The following KSR2 variants were observed in gnomAD, a reference collection of about 807,000 sequenced individuals.
KSR2 encodes the protein kinase suppressor of ras 2.
In KSR2, 25 loss-of-function variants were observed where a neutral mutation model predicts 107.8. That is an observed-to-expected ratio of 0.23 (90% CI 0.17 to 0.32). The LOEUF (loss-of-function observed/expected upper bound fraction) is 0.32. Ranked by LOEUF, KSR2 falls within the 10% of genes least tolerant of loss-of-function variation. The pLI is 1.00. For missense variants in KSR2, 887 were observed against 1,268.9 expected, an observed-to-expected ratio of 0.70 and a Z score of 4.57; for synonymous variants, 480 against 507.0, an observed-to-expected ratio of 0.95 and a Z score of 0.71.
intron 1 of KSR2, among the ~76,000 whole-genome samples, chr12:117,862,354 G>A (rs1893328913): frequency 6.6e-6 from 1 of 152,144 alleles, no homozygotes; most frequent in African/African-American, 2.4e-5. Context: ...CAAGAACAAA[G>A]TCTGAATTCT....
chr12:117,917,354 A>G (rs1566081089), intron 1 of KSR2, among the ~76,000 whole-genome samples: 1 of 152,130 alleles, frequency 6.6e-6, no homozygotes, highest in Non-Finnish European at 1.5e-5. Flanking sequence ...CAGCCTGGGC[A>G]ACATAGCGAG....
chr12:117,697,364 G>A (rs1308038060), intron 4 of KSR2, among the ~76,000 whole-genome samples: 2 of 152,178 alleles, frequency 1.3e-5, no homozygotes, highest in East Asian at 3.8e-4. Flanking sequence ...CAGGGAGCTG[G>A]TTACAGAGGT....
chr12:117,467,675 G>C (rs1422028841), intron 19 of KSR2: 2 of 339,446 alleles, frequency 5.9e-6, no homozygotes, highest in African/African-American at 2.2e-5. Context: ...GGCAGGAAGA[G>C]GGGGTGGGAC....
At chr12:117,490,048 C>T (rs192720637) in intron 14 of KSR2, among the ~76,000 whole-genome samples, 1 of 152,160 alleles carries the variant, frequency 6.6e-6, no homozygotes, top group Non-Finnish European at 1.5e-5. Flanking sequence ...GCTGCAACCC[C>T]TATATATATA....
chr12:117,638,620 A>C (rs1463791795), intron 5 of KSR2, among the ~76,000 whole-genome samples: 6 of 152,196 alleles, frequency 3.9e-5, no homozygotes. Flanking sequence ...TGTACATGTG[A>C]GGTTTCCCAC....
chr12:117,873,461 CTTTT>C (rs546188012), intron 1 of KSR2, among the ~76,000 whole-genome samples: 1 of 119,498 alleles, frequency 8.4e-6, no homozygotes. Context: ...GTTCATGGTG[CTTTT>C]TTTTTTTTTT....
At chr12:117,871,328 C>G (rs1367565927) in intron 1 of KSR2, among the ~76,000 whole-genome samples, 1 of 152,138 alleles carries the variant, frequency 6.6e-6, no homozygotes, top group African/African-American at 2.4e-5. Context: ...GTGGCTCACA[C>G]CTGTAGTCTC....
chr12:117,661,839 CAGA>C (rs1884444173), intron 5 of KSR2, among the ~76,000 whole-genome samples: 1 of 152,148 alleles, frequency 6.6e-6, no homozygotes, highest in South Asian at 2.1e-4. Context: ...AATAACTAGG[CAGA>C]AGGAGTTAAG....
At chr12:117,718,822 C>CAGCT (rs1354612130) in intron 4 of KSR2, among the ~76,000 whole-genome samples, 1 of 152,182 alleles carries the variant, frequency 6.6e-6, no homozygotes, top group East Asian at 1.9e-4. Flanking sequence ...CATGGCCTTT[C>CAGCT]AGCTGCGTGT....
rs138803992 is a variant in KSR2 at position 117,912,192 on chromosome 12, T to C, written c.181-51761A>G. ...TGGATTTCTCAGAGCCATTATGTAC[T>C]AAATATGAAAACCAAGTTCTCCCAA... On this transcript the variant is annotated intron_variant, in intron 1 of 19. Transcript: ENST00000339824. 1.1e-3 allele frequency among the ~76,000 whole-genome samples: 170 copies of C among 152,356 alleles called. No homozygotes were observed. The East Asian group carries it at 0.03, about 27-fold the overall frequency.
intron 7 of KSR2, among the ~76,000 whole-genome samples, chr12:117,576,859 T>C (rs1470860057): frequency 1.3e-5 from 2 of 149,158 alleles, no homozygotes; most frequent in Non-Finnish European, 3.0e-5. Context: ...TCTCACGATG[T>C]TGCCAAAGCT....
chr12:117,695,690 G>A (rs1295404488), intron 4 of KSR2, among the ~76,000 whole-genome samples: 1 of 147,862 alleles, frequency 6.8e-6, no homozygotes, highest in African/African-American at 2.5e-5. Context: ...CAGCCTGGGC[G>A]ACAAAGTGAG....
chr12:117,655,171 C>A (rs1404943972), intron 5 of KSR2, among the ~76,000 whole-genome samples: 1 of 152,194 alleles, frequency 6.6e-6, no homozygotes, highest in Non-Finnish European at 1.5e-5. Flanking sequence ...TATGGGTTTG[C>A]CTCTCCTGCA....
At chr12:117,912,641 T>G (rs980712432) in intron 1 of KSR2, among the ~76,000 whole-genome samples, 7 of 152,230 alleles carry the variant, frequency 4.6e-5, no homozygotes, top group Non-Finnish European at 8.8e-5. Context: ...CAAAAATGTT[T>G]CAGCAAATGC....
At chr12:117,603,413 G>T (rs1339198385) in intron 5 of KSR2, among the ~76,000 whole-genome samples, 1 of 152,164 alleles carries the variant, frequency 6.6e-6, no homozygotes, top group Non-Finnish European at 1.5e-5. Flanking sequence ...TTGTAACCTT[G>T]TTTTTGGCTT....
intron 1 of KSR2, among the ~76,000 whole-genome samples, chr12:117,965,536 G>A (rs1896760101): frequency 6.6e-6 from 1 of 152,188 alleles, no homozygotes; most frequent in Non-Finnish European, 1.5e-5. Flanking sequence ...TGTTTCTACA[G>A]AAGTGTATAC....
intron 14 of KSR2, among the ~76,000 whole-genome samples, chr12:117,515,602 A>G (rs568488596): frequency 5.9e-5 from 9 of 152,272 alleles, no homozygotes; most frequent in African/African-American, 1.9e-4. Flanking sequence ...CAAAATAATA[A>G]TTATCTTATG....
Position 117,578,658 on chromosome 12 carries a change from C to T in KSR2, c.1325+461G>A, listed in dbSNP as rs554476688. ...GAAAAGGAGTTGGCAAATTCTAACT[C>T]AGGGATCAGCAAATTACAGCTGAGG... On this transcript the variant is annotated intron_variant, in intron 7 of 19. Transcript: ENST00000339824. Among the ~76,000 whole-genome samples, 6 of 150,628 alleles carry T rather than the reference C, an allele frequency of 4.0e-5. No homozygotes were observed. In the South Asian group the frequency reaches 1.3e-3, roughly 32 times the overall value.
intron 3 of KSR2, among the ~76,000 whole-genome samples, chr12:117,797,719 ACTCAAACCATCCTGGG>A (rs1458917534): frequency 2.4e-4 from 35 of 146,272 alleles, no homozygotes; most frequent in South Asian, 8.8e-4. Context: ...GCAATCATGG[ACTCAAACCATCCTGGG>A]CTCAAACCAT....
Sources: gnomAD v4.1 joint callset for allele counts (sites outside exome capture counted in the v4.1 genomes callset) on GRCh38, gnomAD v4.1.1 for gene constraint, MANE v1.5 for transcripts, NCBI Gene and HGNC (gene_info 2026-07-23, HGNC 2026-07-21) for gene names.